SETD9: variants seen among roughly 807,000 people sequenced by gnomAD.
SETD9 encodes SET domain containing 9, also known as SET domain-containing protein 9.
Under a neutral mutation model 36.4 loss-of-function variants are expected in SETD9, and 37 were observed. The observed-to-expected ratio is 1.02, with a 90% CI of 0.78 to 1.34. The LOEUF (loss-of-function observed/expected upper bound fraction) is 1.34. Among genes scored for constraint, SETD9 ranks in the 40% most tolerant of loss-of-function variants. The pLI is 0.00. For missense variants in SETD9, 323 were observed against 353.2 expected, an observed-to-expected ratio of 0.91 and a Z score of 0.69; for synonymous variants, 128 against 132.9, an observed-to-expected ratio of 0.96 and a Z score of 0.26.
downstream of SETD9, among the ~76,000 whole-genome samples, chr5:56,926,780 A>T (rs1329574642): frequency 6.6e-6 from 1 of 152,180 alleles, no homozygotes; most frequent in South Asian, 2.1e-4. Flanking sequence ...GAATATTTAT[A>T]GCTTTAATGA....
At chr5:56,925,240 T>C (rs1424355359) in intron 5 of SETD9, 3 of 383,832 alleles carry the variant, frequency 7.8e-6, no homozygotes, top group Non-Finnish European at 1.5e-5. Context: ...TCAACATCAA[T>C]ACTGGAAGGT....
chr5:56,915,414 T>C (rs987226433), intron 5 of SETD9, among the ~76,000 whole-genome samples: 1 of 152,218 alleles, frequency 6.6e-6, no homozygotes, highest in African/African-American at 2.4e-5. Context: ...AAAAAAGGAC[T>C]GTATTCAGAA....
chr5:56,921,679 T>C (rs1278627915), downstream of SETD9: 1 of 152,654 alleles, frequency 6.6e-6, no homozygotes, highest in Non-Finnish European at 1.5e-5. Context: ...CAGCACAACC[T>C]TGAAGCAACT....
At position 56,917,007 on chromosome 5, in the gene SETD9, C is replaced by T; in HGVS notation, c.*105C>T. ...TACCTGTAAAACAAATATTTTGAGA[C>T]TTAATTGGAATAGGAATTTCTTATG... On this transcript the variant is annotated 3_prime_UTR_variant, in exon 6 of 6. Coordinates refer to ENST00000285947, the MANE Select transcript of SETD9 (RefSeq NM_153706.4). 2 of 1,380,868 alleles carry T rather than the reference C, an allele frequency of 1.4e-6. No homozygotes were observed. The highest frequency in any genetic ancestry group is 9.3e-7 in the Non-Finnish European group (1 of 1,070,736). The allele number at this position is 1,380,868 out of a possible 1,614,324, so 85.5% of individuals were successfully genotyped here. A position where few individuals can be genotyped will look rare whatever the true frequency, so the allele number is the denominator to read the frequency against.
upstream of SETD9, chr5:56,909,455 A>G: frequency 2.0e-6 from 1 of 491,996 alleles, no homozygotes. Context: ...CCTCTCATTC[A>G]GAGAGGTGAG....
chr5:56,909,916 G>C, intron 1 of SETD9, 173 bp downstream of exon 1: 1 of 1,000,598 alleles, frequency 1.0e-6, no homozygotes, highest in Non-Finnish European at 1.4e-6. Context: ...TGAGGCCTCG[G>C]AGGGGTTTAA....
chr5:56,916,430 G>GGA (rs1274203059), intron 5 of SETD9, among the ~76,000 whole-genome samples: 14 of 152,174 alleles, frequency 9.2e-5, no homozygotes, highest in African/African-American at 3.1e-4. Flanking sequence ...CCAGAAAAAA[G>GGA]CATTTTTTTA....
At chr5:56,922,466 G>C (rs1158485566) in intron 5 of SETD9, 1 of 152,678 alleles carries the variant, frequency 6.5e-6, no homozygotes, top group Non-Finnish European at 1.5e-5. Context: ...TTCATTATTT[G>C]CACACAGTTC....
chr5:56,922,523 A>C (rs1441759657), intron 5 of SETD9: 1 of 152,984 alleles, frequency 6.5e-6, no homozygotes, highest in African/African-American at 2.4e-5. Flanking sequence ...TGTAAACTGA[A>C]GTGCTCTAGT....
At chr5:56,916,262 C>T (rs1009143897) in intron 5 of SETD9, among the ~76,000 whole-genome samples, 7 of 151,858 alleles carry the variant, frequency 4.6e-5, no homozygotes, top group African/African-American at 1.5e-4. Context: ...CGTGGTGGCA[C>T]GCACCTGTAA....
At chr5:56,928,073 G>A (rs987988763), downstream of SETD9, 1 of 152,078 alleles carries the variant, frequency 6.6e-6, no homozygotes, top group Non-Finnish European at 1.5e-5. Context: ...CTGAATAATA[G>A]TCCAGTTCTG....
At chr5:56,910,462 C>G (rs902233354) in intron 1 of SETD9, 2 of 1,204,216 alleles carry the variant, frequency 1.7e-6, no homozygotes, top group African/African-American at 3.2e-5. Context: ...CCAAAGAGGC[C>G]GACCGGGCCT....
chr5:56,911,824 T>A (rs888289914), intron 2 of SETD9, among the ~76,000 whole-genome samples: 3 of 152,194 alleles, frequency 2.0e-5, no homozygotes, highest in Admixed American at 6.5e-5. Context: ...GACAAATTAC[T>A]TAAAAAGCAC....
chr5:56,909,434 A>G, upstream of SETD9: 2 of 461,264 alleles, frequency 4.3e-6, no homozygotes, highest in East Asian at 3.7e-5. Flanking sequence ...ACCTCCTTCC[A>G]GCTCTACGCG....
At chr5:56,911,071 G>T in intron 1 of SETD9, 98 bp from the exon 2 acceptor site, 1 of 1,375,280 alleles carries the variant, frequency 7.3e-7, no homozygotes. Flanking sequence ...ATGAGAATAA[G>T]CTTATAGTTC....
intron 5 of SETD9, 62 bp from the exon 6 acceptor site, chr5:56,916,753 T>C: frequency 6.5e-7 from 1 of 1,546,134 alleles, no homozygotes; most frequent in South Asian, 1.3e-5. Flanking sequence ...ATCTTGGTTA[T>C]ATTAAAAATA....
downstream of SETD9, chr5:56,928,662 G>A (rs964369241): frequency 7.8e-6 from 5 of 642,510 alleles, no homozygotes; most frequent in Non-Finnish European, 1.3e-5. Context: ...ATGCTATAAG[G>A]GAACATTAGT....
rs768868502 is a variant in SETD9, at chr5:56,911,338, C to T, written c.268C>T (p.Leu90=). The T allele has an allele frequency of 6.2e-7, 1 of 1,611,634 alleles. No homozygotes were observed. The highest frequency in any genetic ancestry group is 2.2e-5 in the East Asian group (1 of 44,868). Residue 90 remains leucine, a synonymous_variant, in exon 2 of 6, where the codon CTG becomes TTG. Transcript: ENST00000285947. ...ESVKSKYQDL[L]AVEHQGVKLL... ...TGTTAAATCAAAATATCAAGACCTA[C>T]TGGCAGTTGAACATCAAGGGGTGAA...
chr5:56,912,951 A>C, intron 2 of SETD9, 60 bp from the exon 3 acceptor site: 1 of 1,538,882 alleles, frequency 6.5e-7, no homozygotes, highest in Non-Finnish European at 8.9e-7. Flanking sequence ...AAGGGTTCTT[A>C]TCGCAGTGTT....
Sources: gnomAD v4.1 joint callset for allele counts (sites outside exome capture counted in the v4.1 genomes callset) on GRCh38, gnomAD v4.1.1 for gene constraint, MANE v1.5 for transcripts, NCBI Gene and HGNC (gene_info 2026-07-23, HGNC 2026-07-21) for gene names.